Variants in BTD observed in about 807,000 individuals in gnomAD.
BTD encodes biotinidase.
In BTD, 13 loss-of-function variants were observed where a neutral mutation model predicts 17.7. That is an observed-to-expected ratio of 0.74 (90% CI 0.48 to 1.17). The LOEUF (loss-of-function observed/expected upper bound fraction) is 1.17. Among genes scored for constraint, BTD ranks in the 50% most tolerant of loss-of-function variants. The pLI is 0.00. For missense variants in BTD, 674 were observed against 650.4 expected (o/e 1.04, Z -0.39); for synonymous variants, 240 against 245.2 (o/e 0.98, Z 0.20).
Position 15,691,472 on chromosome 3 carries a change from CTT to C in BTD, c.400-18585_400-18584del, listed in dbSNP as rs1448190815. On this transcript the variant is annotated intron_variant, in intron 3 of 3. Transcript: ENST00000672141. ...TAATAAAAGGGCTTTCCAGAAAAGT[CTT>C]TTCAAAATCCAACATGGCAACTGAA... Among the ~76,000 whole-genome samples the C allele has an allele frequency of 7.9e-5, 12 of 152,296 alleles. No homozygotes were observed. The East Asian group carries it at 1.4e-3, about 17-fold the overall frequency.
downstream of BTD, chr3:15,714,676 AT>A: frequency 6.4e-7 from 1 of 1,553,244 alleles, no homozygotes; most frequent in Non-Finnish European, 8.7e-7. Context: ...GAAGAAAAAA[AT>A]TACTCACTCT....
exon 4 of BTD, chr3:15,712,048 C>T (rs1393660545): frequency 1.0e-6 from 1 of 974,194 alleles, no homozygotes; most frequent in Non-Finnish European, 1.6e-6. Flanking sequence ...CTGGACCCAT[C>T]TGCATTAATT....
At chr3:15,625,679 C>A (rs547697902) in intron 1 of BTD, among the ~76,000 whole-genome samples, 1 of 152,280 alleles carries the variant, frequency 6.6e-6, no homozygotes, top group South Asian at 2.1e-4. Flanking sequence ...TCTCGGCCTC[C>A]CAAGTAGCTG....
downstream of BTD, among the ~76,000 whole-genome samples, chr3:15,715,047 AAT>A (rs748579207): frequency 1.4e-4 from 22 of 152,232 alleles, no homozygotes; most frequent in Non-Finnish European, 2.5e-4. Context: ...CATTTAAAAA[AAT>A]AAATACAAAT....
downstream of BTD, chr3:15,713,720 A>G (rs1273620373): frequency 1.1e-6 from 1 of 903,838 alleles, no homozygotes; most frequent in Non-Finnish European, 1.7e-6. Flanking sequence ...GTAATAAAAA[A>G]TGCTGTTCAC....
intron 1 of BTD, among the ~76,000 whole-genome samples, chr3:15,631,809 G>A (rs2065214744): frequency 6.6e-6 from 1 of 152,170 alleles, no homozygotes; most frequent in Non-Finnish European, 1.5e-5. Context: ...ACGTGAACTG[G>A]GGAGTCACTG....
intron 3 of BTD, among the ~76,000 whole-genome samples, chr3:15,708,339 C>T (rs1349555443): frequency 6.6e-6 from 1 of 152,198 alleles, no homozygotes; most frequent in African/African-American, 2.4e-5. Context: ...CTTTGAGTGA[C>T]TTTCAAATAA....
rs1428310469 is a variant in BTD, at chr3:15,642,010, G to T, written c.352G>T (p.Val118Phe). ...GGACTTCATGCCGTCTCCCCAGGTG[G>T]TCAGGTGGAACCCATGCCTGGAGCC... Reference protein sequence around the residue: ...FLDFMPSPQVVRWNPCLEPHR... With the variant: ...FLDFMPSPQVFRWNPCLEPHR... The change falls in exon 3 of 4, where the codon GTC becomes TTC. Residue 118 changes from valine (V) to phenylalanine (F), a missense_variant. Physicochemically the swap from Val to Phe is conservative, Grantham distance 50 (BLOSUM62 -1). Coordinates refer to ENST00000643237, the MANE Select transcript of BTD (RefSeq NM_001370658.1). 1 of 1,614,070 alleles carries T rather than the reference G, an allele frequency of 6.2e-7. No individual in the cohort carries two copies. Among genetic ancestry groups the T allele is most frequent in the Admixed American group, 1.7e-5 (1 of 60,008 alleles).
exon 4 of BTD, among the ~76,000 whole-genome samples, chr3:15,710,573 G>C (rs1237371676): frequency 6.6e-6 from 1 of 152,160 alleles, no homozygotes; most frequent in Non-Finnish European, 1.5e-5. Context: ...AATTATCATT[G>C]AGAATAACGT....
intron 3 of BTD, chr3:15,695,362 A>T (rs974322950): frequency 1.9e-5 from 12 of 627,764 alleles, no homozygotes; most frequent in Middle Eastern, 4.3e-4. Flanking sequence ...AAACAATTTT[A>T]TATCACAACA....
In BTD at chr3:15,647,633, A is replaced by G. The variant is rs918882815; in HGVS notation, c.*2145A>G. ...ACGGGAAAATAAATCATTTTCAGGG[A>G]AAAAATATATCTATGACTAATGGTT... On this transcript the variant is annotated 3_prime_UTR_variant, in exon 4 of 4. Coordinates refer to ENST00000643237, the MANE Select transcript of BTD (RefSeq NM_001370658.1). 2 of 152,228 alleles carry G rather than the reference A, an allele frequency of 1.3e-5. No homozygotes were observed. The highest frequency in any genetic ancestry group is 4.8e-5 in the African/African-American group (2 of 41,456). The allele number at this position is 152,228 out of a possible 1,614,324, so 9.4% of individuals were successfully genotyped here. A position where few individuals can be genotyped will look rare whatever the true frequency, so the allele number is the denominator to read the frequency against.
Position 15,650,319 on chromosome 3 carries a change from G to A in BTD, c.*4831G>A, listed in dbSNP as rs139728251. On this transcript the variant is annotated 3_prime_UTR_variant, in exon 4 of 4. Transcript: ENST00000643237. ...CAAAAATCTGAATAACAGCTGCACC[G>A]TTAAAAATGAAATTACCAATATATG... Among the ~76,000 whole-genome samples, 28 of 152,144 alleles carry A rather than the reference G, an allele frequency of 1.8e-4. No homozygotes were observed. Among genetic ancestry groups the A allele is most frequent in the Non-Finnish European group, 1.6e-4 (11 of 68,002 alleles).
At chr3:15,622,013 T>C (rs1245789201) in intron 1 of BTD, among the ~76,000 whole-genome samples, 1 of 152,208 alleles carries the variant, frequency 6.6e-6, no homozygotes, top group African/African-American at 2.4e-5. Flanking sequence ...GTGCCCTCTT[T>C]CATTGCTCAT....
chr3:15,631,996 G>A (rs1207147518), intron 1 of BTD, among the ~76,000 whole-genome samples: 1 of 152,002 alleles, frequency 6.6e-6, no homozygotes, highest in Admixed American at 6.6e-5. Flanking sequence ...CTTTCTCCTT[G>A]TCCCCTTGGC....
intron 1 of BTD, among the ~76,000 whole-genome samples, chr3:15,616,213 A>C (rs973086655): frequency 1.3e-5 from 2 of 152,214 alleles, no homozygotes; most frequent in African/African-American, 4.8e-5. Context: ...TCATTTTGTA[A>C]GAAAATGCCA....
chr3:15,683,149 T>C (rs1321505641), intron 3 of BTD, among the ~76,000 whole-genome samples: 3 of 152,162 alleles, frequency 2.0e-5, no homozygotes, highest in African/African-American at 4.8e-5. Context: ...TGAGGAAAAA[T>C]ATCTCACTGT....
intron 3 of BTD, among the ~76,000 whole-genome samples, chr3:15,660,960 AC>A (rs1261033168): frequency 6.6e-6 from 1 of 152,072 alleles, no homozygotes; most frequent in Non-Finnish European, 1.5e-5. Context: ...TTGCGTTCCC[AC>A]CAGTAATGAA....
Position 15,645,504 on chromosome 3 carries a change from T to C in BTD, c.*16T>C. On this transcript the variant is annotated 3_prime_UTR_variant, in exon 4 of 4. Transcript: ENST00000643237. ...GAGGGACTAGGAAAAGTGTGTGGTC[T>C]GTGGGGCGGACTCTGGCCATCATGT... 6.2e-7 allele frequency: 1 copy of C among 1,601,030 alleles called. No homozygotes were observed. The highest frequency in any genetic ancestry group is 1.1e-5 in the South Asian group (1 of 91,062).
In BTD at chr3:15,653,300, C is replaced by T. The variant is rs2125533708; in HGVS notation, c.*7812C>T. ...CTGTCTAATGCGGTGCATACCAAAG[C>T]AGGTGCACGGGTCTTAATCATCACC... On this transcript the variant is annotated 3_prime_UTR_variant, in exon 4 of 4. Coordinates refer to ENST00000643237, the MANE Select transcript of BTD (RefSeq NM_001370658.1). Among the ~76,000 whole-genome samples the T allele has an allele frequency of 6.6e-6, 1 of 152,370 alleles. No homozygotes were observed. Among genetic ancestry groups the T allele is most frequent in the South Asian group, 2.1e-4 (1 of 4,826 alleles).
Sources: gnomAD v4.1 joint callset for allele counts (sites outside exome capture counted in the v4.1 genomes callset) on GRCh38, gnomAD v4.1.1 for gene constraint, MANE v1.5 for transcripts, NCBI Gene and HGNC (gene_info 2026-07-23, HGNC 2026-07-21) for gene names.